CCDC171: variants seen among roughly 807,000 people sequenced by gnomAD.
CCDC171 encodes coiled-coil domain-containing protein 171.
In CCDC171, 177 loss-of-function variants were observed where a neutral mutation model predicts 168.2. The observed-to-expected ratio is 1.05, with a 90% CI of 0.93 to 1.19. CCDC171 has a LOEUF of 1.19. CCDC171 is among the 50% of genes most tolerant of loss of function. CCDC171 has a pLI of 0.00. For missense variants in CCDC171, 1,991 were observed against 1,539.0 expected, an observed-to-expected ratio of 1.29 and a Z score of -4.91; for synonymous variants, 687 against 540.8, an observed-to-expected ratio of 1.27 and a Z score of -3.75.
upstream of CCDC171, among the ~76,000 whole-genome samples, chr9:16,042,189 G>A (rs1020043789): frequency 5.3e-5 from 8 of 152,146 alleles, no homozygotes; most frequent in South Asian, 6.2e-4. Context: ...GGCAGTGGGC[G>A]GGCTCCAGTG....
At position 15,783,992 on chromosome 9, in the gene CCDC171, A is replaced by G. The variant is rs372184186; in HGVS notation, c.3082-517A>G. On this transcript the variant is annotated intron_variant, in intron 20 of 25. Coordinates refer to ENST00000380701, the MANE Select transcript of CCDC171 (RefSeq NM_173550.4). ...GTGGACAGGCAATAAAAAAAGTGAG[A>G]TGAATTTAGATAATGACAATGGCTG... is the stretch of plus-strand genomic sequence containing the variant. 1.3e-3 allele frequency among the ~76,000 whole-genome samples: 201 copies of G among 152,278 alleles called. 1 individual carries two copies. The South Asian group carries it at 0.016, about 12-fold the overall frequency.
intron 21 of CCDC171, among the ~76,000 whole-genome samples, chr9:15,804,693 G>T (rs1162452977): frequency 6.6e-6 from 1 of 151,914 alleles, no homozygotes; most frequent in Non-Finnish European, 1.5e-5. Context: ...GCCTGGAGTT[G>T]TCTTGTTTTG....
chr9:15,999,180 C>T (rs1404695662), intron 3 of CCDC171, among the ~76,000 whole-genome samples: 1 of 148,070 alleles, frequency 6.8e-6, no homozygotes, highest in African/African-American at 2.5e-5. Context: ...CACTGCACTC[C>T]AGCCTGGGTG....
At chr9:15,801,801 A>T (rs535953241) in intron 21 of CCDC171, among the ~76,000 whole-genome samples, 1 of 151,908 alleles carries the variant, frequency 6.6e-6, no homozygotes, top group Non-Finnish European at 1.5e-5. Flanking sequence ...TTATATCCCC[A>T]TTTTTTTTAG....
chr9:16,064,724 C>T (rs1427555625), downstream of CCDC171, among the ~76,000 whole-genome samples: 1 of 152,150 alleles, frequency 6.6e-6, no homozygotes, highest in Non-Finnish European at 1.5e-5. Context: ...AGAGTAGTTA[C>T]GCCACTGTCA....
At chr9:15,896,656 C>T (rs749972681) in intron 24 of CCDC171, among the ~76,000 whole-genome samples, 1 of 152,064 alleles carries the variant, frequency 6.6e-6, no homozygotes, top group Non-Finnish European at 1.5e-5. Flanking sequence ...TGACCTGATA[C>T]ATTTGCTATC....
At chr9:16,056,573 C>T (rs3008716) in intron 1 of CCDC171, among the ~76,000 whole-genome samples, 11,169 of 152,112 alleles carry the variant, frequency 0.073, 455 homozygotes, top group African/African-American at 0.091. Flanking sequence ...CTGCAACCTC[C>T]GCCTCCCAGG....
Position 15,594,102 on chromosome 9 carries a change from C to G in CCDC171, c.605C>G (p.Ala202Gly), listed in dbSNP as rs759025052. The G allele has an allele frequency of 3.9e-6, 6 of 1,556,300 alleles. No homozygotes were observed. The highest frequency in any genetic ancestry group is 5.3e-6 in the Non-Finnish European group (6 of 1,131,330). Residue 202 changes from alanine to glycine, a missense_variant, in exon 6 of 26, where the codon GCA becomes GGA. Coordinates refer to ENST00000380701, the MANE Select transcript of CCDC171 (RefSeq NM_173550.4). ...ATGGAGTCTCATATCAGGGAGACAG[C>G]ATTGGAGGAGTTTAGATTACAAGAA... ...NEMESHIRET[A>G]LEEFRLQEEQ... is the part of the protein sequence containing the mutation.
rs2053499797 is a variant in CCDC171, at chr9:15,721,818, G to C, written c.1368G>C (p.Glu456Asp). 5 of 1,568,988 alleles carry C rather than the reference G, an allele frequency of 3.2e-6. No individual in the cohort carries two copies. The highest frequency in any genetic ancestry group is 3.5e-6 in the Non-Finnish European group (4 of 1,156,972). The change falls in exon 12 of 26, where the codon GAG becomes GAC. Residue 456 changes from glutamate to aspartate, a missense_variant. Coordinates refer to ENST00000380701, the MANE Select transcript of CCDC171 (RefSeq NM_173550.4). ...CTCCCAGCTTCTCTGTTGTCCTTGA[G>C]AGATTGAGGCGTACCTTGACAGATT... ...DKPPSFSVVL[E>D]RLRRTLTDYQ...
At chr9:16,013,852 C>A (rs555555054) in intron 3 of CCDC171, among the ~76,000 whole-genome samples, 1 of 152,280 alleles carries the variant, frequency 6.6e-6, no homozygotes, top group African/African-American at 2.4e-5. Flanking sequence ...AAAATATTTT[C>A]TTGTAAAACA....
At chr9:15,690,222 A>G (rs2050692994) in intron 10 of CCDC171, among the ~76,000 whole-genome samples, 3 of 152,314 alleles carry the variant, frequency 2.0e-5, no homozygotes. Flanking sequence ...TCGTGAAAAT[A>G]CTAAAAACAT....
intron 25 of CCDC171, among the ~76,000 whole-genome samples, chr9:15,935,634 C>CA (rs1366039011): frequency 6.6e-6 from 1 of 151,954 alleles, no homozygotes; most frequent in African/African-American, 2.4e-5. Flanking sequence ...ATGTGAGTCT[C>CA]ACAATGTGAC....
chr9:15,625,153 T>G (rs535557357), intron 7 of CCDC171, among the ~76,000 whole-genome samples: 3 of 152,324 alleles, frequency 2.0e-5, no homozygotes, highest in Admixed American at 6.5e-5. Flanking sequence ...GCCCACTTTT[T>G]GATGGGGTTG....
In CCDC171 at chr9:15,867,683, A is replaced by G. The variant is rs527682363; in HGVS notation, c.3469-6849A>G. ...ATTTTAAAACCTTGACAAACTAAAG[A>G]TAAGACACTACAGAATATCATGTAC... On this transcript the variant is annotated intron_variant, in intron 23 of 25. Transcript: ENST00000380701. 2.0e-3 allele frequency among the ~76,000 whole-genome samples: 298 copies of G among 152,204 alleles called. 1 individual carries two copies. Among genetic ancestry groups the G allele is most frequent in the Non-Finnish European group, 3.7e-3 (249 of 67,992 alleles).
At chr9:15,674,493 A>G (rs1172295501) in intron 9 of CCDC171, among the ~76,000 whole-genome samples, 1 of 152,144 alleles carries the variant, frequency 6.6e-6, no homozygotes, top group Non-Finnish European at 1.5e-5. Flanking sequence ...TCTTGTGGGC[A>G]TTTAGTGCTG....
intron 3 of CCDC171, among the ~76,000 whole-genome samples, chr9:15,983,813 A>AGTGTGTGT (rs1491447704): frequency 9.2e-5 from 4 of 43,382 alleles, no homozygotes; most frequent in African/African-American, 6.1e-4. Context: ...AGCTAAATAA[A>AGTGTGTGT]GAGAGTGTGT....
intron 6 of CCDC171, among the ~76,000 whole-genome samples, chr9:15,620,838 C>T (rs570990901): frequency 1.2e-3 from 188 of 152,300 alleles, no homozygotes; most frequent in Non-Finnish European, 1.6e-3. Context: ...CCTTCAGCTG[C>T]TACCACCCTC....
chr9:15,571,073 G>T (rs755029521), intron 2 of CCDC171, among the ~76,000 whole-genome samples: 1 of 152,014 alleles, frequency 6.6e-6, no homozygotes, highest in African/African-American at 2.4e-5. Context: ...GAGCTTTTGG[G>T]GGTTATCAGT....
At chr9:15,977,170 C>G (rs1831646915), downstream of CCDC171, among the ~76,000 whole-genome samples, 1 of 152,110 alleles carries the variant, frequency 6.6e-6, no homozygotes, top group Admixed American at 6.5e-5. Flanking sequence ...ATTGACATAT[C>G]CAGATATCAG....
Sources: allele counts gnomAD v4.1 joint callset (sites outside exome capture counted in the v4.1 genomes callset), GRCh38; gene constraint gnomAD v4.1.1; transcripts MANE v1.5; gene names NCBI Gene and HGNC (gene_info 2026-07-23, HGNC 2026-07-21).